The following KLHL13 variants were observed in gnomAD, a reference collection of about 807,000 sequenced individuals.
KLHL13 encodes the protein kelch-like protein 13.
In KLHL13, 10 loss-of-function variants were observed where a neutral mutation model predicts 37.1. That is an observed-to-expected ratio of 0.27 (90% CI 0.17 to 0.46). KLHL13 has a LOEUF of 0.46. KLHL13 is among the 20% of genes least tolerant of loss of function. The pLI, the probability that KLHL13 is intolerant of heterozygous loss-of-function variation, is 1.00. For synonymous variants in KLHL13, 163 were observed against 181.2 expected (o/e 0.90, Z 0.81); for missense variants, 360 against 509.3 (o/e 0.71, Z 2.82).
intron 1 of KLHL13, among the ~76,000 whole-genome samples, chrX:118,088,343 A>G (rs1362803074): frequency 2.7e-5 from 3 of 112,245 alleles, no homozygotes; most frequent in Non-Finnish European, 5.6e-5. Context: ...GTTAATCATT[A>G]CTTAAGCATT....
At chrX:117,982,354 T>C (rs1602623763) in intron 1 of KLHL13, among the ~76,000 whole-genome samples, 2 of 111,371 alleles carry the variant, frequency 1.8e-5, no homozygotes, top group South Asian at 7.6e-4. Flanking sequence ...ATGTCTAAAA[T>C]AGACACAAAC....
At chrX:118,106,027 G>A (rs1217571692) in intron 1 of KLHL13, among the ~76,000 whole-genome samples, 1 of 101,415 alleles carries the variant, frequency 9.9e-6, no homozygotes, top group Admixed American at 1.1e-4. Context: ...TCAGCCTCCC[G>A]AGTAGCTGGG....
At chrX:118,109,657 A>G (rs1056597184) in intron 1 of KLHL13, among the ~76,000 whole-genome samples, 8 of 112,599 alleles carry the variant, frequency 7.1e-5, no homozygotes, top group African/African-American at 2.6e-4. Flanking sequence ...CTGCTCAATC[A>G]GTACATGTGC....
intron 1 of KLHL13, among the ~76,000 whole-genome samples, chrX:118,042,648 A>C (rs1308183994): frequency 8.9e-6 from 1 of 111,974 alleles, no homozygotes; most frequent in Non-Finnish European, 1.9e-5. Context: ...CTCTCACAGC[A>C]GATTTTATAA....
intron 1 of KLHL13, among the ~76,000 whole-genome samples, chrX:117,954,142 G>A (rs1337503934): frequency 3.6e-5 from 4 of 111,666 alleles, no homozygotes; most frequent in African/African-American, 1.3e-4. Flanking sequence ...CAAATCAAAA[G>A]GCATTTCCAC....
At chrX:117,988,812 C>A (rs1284476743) in intron 1 of KLHL13, among the ~76,000 whole-genome samples, 1 of 111,594 alleles carries the variant, frequency 9.0e-6, no homozygotes, top group Non-Finnish European at 1.9e-5. Context: ...CCATATGGAA[C>A]AAGAAATGAT....
intron 1 of KLHL13, among the ~76,000 whole-genome samples, chrX:118,024,220 C>T (rs2054250717): frequency 2.7e-5 from 3 of 112,056 alleles, no homozygotes; most frequent in Non-Finnish European, 5.6e-5. Flanking sequence ...TCTTATTAAT[C>T]ACTTAGATCT....
chrX:118,093,118 T>A (rs1219597305), intron 1 of KLHL13, among the ~76,000 whole-genome samples: 1 of 111,482 alleles, frequency 9.0e-6, no homozygotes, highest in Non-Finnish European at 1.9e-5. Context: ...CTGCTAAAAG[T>A]GCCTCCACTA....
intron 1 of KLHL13, among the ~76,000 whole-genome samples, chrX:118,113,584 G>A (rs946306277): frequency 8.9e-6 from 1 of 111,858 alleles, no homozygotes; most frequent in Admixed American, 9.5e-5. Flanking sequence ...ATGTTATCTC[G>A]GGAATGTTCT....
intron 2 of KLHL13, among the ~76,000 whole-genome samples, chrX:117,927,849 G>A (rs1158710122): frequency 5.4e-5 from 6 of 111,761 alleles, no homozygotes; most frequent in Non-Finnish European, 1.1e-4. Flanking sequence ...AACTACCAAG[G>A]GGTAACAGGA....
chrX:118,026,673 A>G (rs2054277759), intron 1 of KLHL13, among the ~76,000 whole-genome samples: 1 of 111,974 alleles, frequency 8.9e-6, no homozygotes, highest in South Asian at 3.7e-4. Flanking sequence ...GATCCAAATG[A>G]ATTTGCAAGG....
intron 1 of KLHL13, among the ~76,000 whole-genome samples, chrX:117,952,742 A>C (rs1933690657): frequency 9.1e-6 from 1 of 109,589 alleles, no homozygotes; most frequent in Non-Finnish European, 1.9e-5. Context: ...AAAGTGGGCA[A>C]AGGACATGAA....
At chrX:118,102,510 C>G (rs924026717) in intron 1 of KLHL13, among the ~76,000 whole-genome samples, 1 of 112,005 alleles carries the variant, frequency 8.9e-6, no homozygotes, top group Non-Finnish European at 1.9e-5. Flanking sequence ...TAGAAAAGAA[C>G]AAAGAGAGTG....
intron 1 of KLHL13, among the ~76,000 whole-genome samples, chrX:118,070,550 T>A (rs1271978373): frequency 9.0e-6 from 1 of 111,084 alleles, no homozygotes; most frequent in African/African-American, 3.3e-5. Flanking sequence ...ATACTTGTGA[T>A]AAGACATTTT....
intron 1 of KLHL13, among the ~76,000 whole-genome samples, chrX:118,035,749 T>C (rs1312993300): frequency 1.8e-5 from 2 of 109,162 alleles, no homozygotes; most frequent in East Asian, 2.8e-4. Context: ...CCAGGGCAAT[T>C]AGGCAGGAGA....
chrX:117,933,683 T>C (rs1932584505), intron 2 of KLHL13, among the ~76,000 whole-genome samples: 1 of 111,335 alleles, frequency 9.0e-6, no homozygotes, highest in Non-Finnish European at 1.9e-5. Context: ...AGCTTCTTTA[T>C]AGCAAAGTAG....
chrX:118,023,122 T>C (rs1478289212), intron 1 of KLHL13, among the ~76,000 whole-genome samples: 1 of 106,028 alleles, frequency 9.4e-6, no homozygotes, highest in African/African-American at 3.8e-5. Context: ...TTCCCAGCAC[T>C]ATTTATCTTC....
upstream of KLHL13, among the ~76,000 whole-genome samples, chrX:117,975,177 T>TACACATACACACACACACACAC (rs1556327645): frequency 9.7e-6 from 1 of 103,276 alleles, no homozygotes; most frequent in African/African-American, 3.5e-5. Flanking sequence ...GAGAAATACA[T>TACACATACACACACACACACAC]ACACACACAC....
intron 1 of KLHL13, among the ~76,000 whole-genome samples, chrX:118,093,293 T>C (rs750307875): frequency 1.8e-5 from 2 of 112,054 alleles, no homozygotes; most frequent in African/African-American, 6.5e-5. Flanking sequence ...ATAACTAACA[T>C]TTATTAAATC....
Sources: gnomAD v4.1 joint callset for allele counts (sites outside exome capture counted in the v4.1 genomes callset) on GRCh38, gnomAD v4.1.1 for gene constraint, MANE v1.5 for transcripts, NCBI Gene and HGNC (gene_info 2026-07-23, HGNC 2026-07-21) for gene names.